TMEM182: variants seen among roughly 807,000 people sequenced by gnomAD.
TMEM182 encodes the protein transmembrane protein 182.
A neutral mutation model predicts 26.8 loss-of-function variants in TMEM182; 20 were observed. The ratio of observed to expected loss-of-function variants is 0.75; its 90% CI spans 0.53 to 1.09. The LOEUF is 1.09. TMEM182 is among the 50% of genes least tolerant of loss of function. The pLI is 0.00. For missense variants in TMEM182, 277 were observed against 275.5 expected, an observed-to-expected ratio of 1.01 and a Z score of -0.04; for synonymous variants, 109 against 102.2, an observed-to-expected ratio of 1.07 and a Z score of -0.40.
At chr2:102,758,075 A>G (rs1484329442), upstream of TMEM182, among the ~76,000 whole-genome samples, 1 of 152,166 alleles carries the variant, frequency 6.6e-6, no homozygotes, top group Non-Finnish European at 1.5e-5. Flanking sequence ...ACTCAGTGTG[A>G]TAACCTTATC....
At position 102,793,034 on chromosome 2, in the gene TMEM182, T is replaced by G. The variant is rs184630974; in HGVS notation, c.332-4829T>G. Among the ~76,000 whole-genome samples, 7 of 152,328 alleles carry G rather than the reference T, an allele frequency of 4.6e-5. No individual in the cohort carries two copies. In the East Asian group the frequency reaches 1.4e-3, roughly 29 times the overall value. On this transcript the variant is annotated intron_variant, in intron 3 of 4. Coordinates refer to ENST00000412401, the MANE Select transcript of TMEM182 (RefSeq NM_144632.5). ...CTCCTGCTGCTTCCTCTGCCGTCTG[T>G]GTGACCTGGTTCAGGATCCCTGAGC...
intron 1 of TMEM182, among the ~76,000 whole-genome samples, chr2:102,754,054 G>A (rs532813561): frequency 1.3e-5 from 2 of 152,198 alleles, no homozygotes; most frequent in East Asian, 3.9e-4. Flanking sequence ...AATATTAAAG[G>A]GTCAGTAGAA....
intron 3 of TMEM182, among the ~76,000 whole-genome samples, chr2:102,779,467 A>T (rs189689298): frequency 6.6e-6 from 1 of 151,858 alleles, no homozygotes; most frequent in Admixed American, 6.6e-5. Context: ...TGAATGTTAG[A>T]CCTTTTGTTA....
In TMEM182 at chr2:102,741,346, T is replaced by A. The variant is rs144165603; in HGVS notation, c.-83+4333T>A. Among the ~76,000 whole-genome samples the A allele has an allele frequency of 4.7e-3, 721 of 152,270 alleles. 1 individual carries two copies. Among genetic ancestry groups the A allele is most frequent in the Non-Finnish European group, 6.6e-3 (448 of 68,010 alleles). On this transcript the variant is annotated intron_variant, in intron 1 of 5. Coordinates refer to the TMEM182 transcript ENST00000409173. ...CCCCCACAATTTAATGGATGTTACG[T>A]ACAGAAGATCCACCAGGTTCTTATG...
intron 3 of TMEM182, among the ~76,000 whole-genome samples, chr2:102,836,960 T>C (rs1683257549): frequency 1.3e-5 from 2 of 152,234 alleles, no homozygotes; most frequent in Non-Finnish European, 2.9e-5. Flanking sequence ...GGACCTCTCT[T>C]GAGTGCAACA....
At chr2:102,767,870 A>AG (rs1680514519) in intron 3 of TMEM182, among the ~76,000 whole-genome samples, 1 of 152,190 alleles carries the variant, frequency 6.6e-6, no homozygotes, top group Non-Finnish European at 1.5e-5. Flanking sequence ...ATATATACTT[A>AG]TGGGGGTGAG....
upstream of TMEM182, among the ~76,000 whole-genome samples, chr2:102,759,188 T>A (rs919498629): frequency 2.0e-5 from 3 of 152,196 alleles, no homozygotes; most frequent in African/African-American, 7.2e-5. Flanking sequence ...GATTTAGTAT[T>A]ATTGCATGGA....
downstream of TMEM182, among the ~76,000 whole-genome samples, chr2:102,818,618 AT>A (rs1470242553): frequency 2.0e-5 from 3 of 152,160 alleles, no homozygotes. Context: ...TTGAAAGATC[AT>A]CCCTCCTGCC....
chr2:102,739,445 G>A lies in TMEM182; in HGVS notation c.-83+2432G>A, dbSNP rs1475179749. On this transcript the variant is annotated intron_variant, in intron 1 of 5. Coordinates refer to the TMEM182 transcript ENST00000409173. ...ATGTCGAATTGTAGTCCCCAGTGTT[G>A]GAGGTGGGGCCTGGTGGGAGGTTAT... 8.5e-5 allele frequency among the ~76,000 whole-genome samples: 13 copies of A among 152,276 alleles called. No homozygotes were observed. The East Asian group carries it at 2.3e-3, about 27-fold the overall frequency.
At chr2:102,776,719 A>C (rs1349774294) in intron 3 of TMEM182, among the ~76,000 whole-genome samples, 1 of 152,202 alleles carries the variant, frequency 6.6e-6, no homozygotes, top group Admixed American at 6.5e-5. Context: ...ATGCTTAAAG[A>C]AGCTGCGAAG....
In TMEM182 at chr2:102,764,351, C is replaced by G. The variant is rs1329909033; in HGVS notation, c.255C>G (p.Asn85Lys). Residue 85 changes from asparagine to lysine, a missense_variant, in exon 3 of 5, where the codon AAC becomes AAG. Physicochemically the swap from Asn to Lys is moderately conservative, Grantham distance 94 (BLOSUM62 0). Coordinates refer to ENST00000412401, the MANE Select transcript of TMEM182 (RefSeq NM_144632.5). ...FWYTNQPPSK[N>K]CTHAYLSPYP... ...TAGCCAATCAGCCACCGTCCAAGAA[C>G]TGCACACATGCTTACCTGTCTCCGT... 2 of 1,613,788 alleles carry G rather than the reference C, an allele frequency of 1.2e-6. No individual in the cohort carries two copies. Among genetic ancestry groups the G allele is most frequent in the African/African-American group, 2.7e-5 (2 of 74,886 alleles).
intron 1 of TMEM182, among the ~76,000 whole-genome samples, chr2:102,738,793 T>G (rs1470396963): frequency 6.6e-6 from 1 of 152,176 alleles, no homozygotes; most frequent in Non-Finnish European, 1.5e-5. Context: ...GAGGCAGCTC[T>G]AGTAGTTTAG....
At chr2:102,739,863 G>A (rs1679495405) in intron 1 of TMEM182, among the ~76,000 whole-genome samples, 1 of 152,152 alleles carries the variant, frequency 6.6e-6, no homozygotes, top group Admixed American at 6.5e-5. Flanking sequence ...ATATGCTGAT[G>A]TTTATGCTGC....
intron 1 of TMEM182, among the ~76,000 whole-genome samples, chr2:102,741,867 T>C (rs536059535): frequency 2.4e-4 from 36 of 152,232 alleles, no homozygotes; most frequent in African/African-American, 7.9e-4. Context: ...CCCCCAACTA[T>C]GAAAATATTT....
intron 4 of TMEM182, among the ~76,000 whole-genome samples, chr2:102,809,346 C>G (rs368045085): frequency 3.3e-5 from 5 of 152,300 alleles, no homozygotes; most frequent in African/African-American, 1.2e-4. Context: ...AAATACATAG[C>G]TTATCAAATT....
chr2:102,758,731 G>A (rs1003975998), upstream of TMEM182, among the ~76,000 whole-genome samples: 1 of 152,208 alleles, frequency 6.6e-6, no homozygotes. Flanking sequence ...AGTGCCTGTT[G>A]TGTGCCAAGT....
chr2:102,828,474 T>C (rs1311187883), intron 3 of TMEM182, among the ~76,000 whole-genome samples: 1 of 152,222 alleles, frequency 6.6e-6, no homozygotes, highest in Non-Finnish European at 1.5e-5. Context: ...AAGTCCCAGG[T>C]TGCCACATGA....
chr2:102,809,982 A>G (rs1329910005), intron 4 of TMEM182, among the ~76,000 whole-genome samples: 4 of 152,208 alleles, frequency 2.6e-5, no homozygotes, highest in African/African-American at 9.6e-5. Context: ...AGGCCATTGA[A>G]TCATCTCGAA....
At chr2:102,828,509 G>GA (rs1328867813) in intron 3 of TMEM182, among the ~76,000 whole-genome samples, 1 of 152,204 alleles carries the variant, frequency 6.6e-6, no homozygotes, top group Non-Finnish European at 1.5e-5. Context: ...AAGTCATTAG[G>GA]AAAAATGTTC....
Sources: allele counts gnomAD v4.1 joint callset (sites outside exome capture counted in the v4.1 genomes callset), GRCh38; gene constraint gnomAD v4.1.1; transcripts MANE v1.5; gene names NCBI Gene and HGNC (gene_info 2026-07-23, HGNC 2026-07-21).